PINX1: variants seen among roughly 807,000 people sequenced by gnomAD.
PINX1 encodes the protein PIN2/TERF1-interacting telomerase inhibitor 1.
Under a neutral mutation model 25.4 loss-of-function variants are expected in PINX1, and 34 were observed. The ratio of observed to expected loss-of-function variants is 1.34; its 90% CI spans 1.02 to 1.78. The LOEUF (loss-of-function observed/expected upper bound fraction) is 1.78. Among genes scored for constraint, PINX1 ranks in the 40% most tolerant of loss-of-function variants. The probability of loss-of-function intolerance (pLI) is 0.00; values close to 1 mark genes in which losing one functional copy is unlikely to be tolerated. For missense variants in PINX1, 592 were observed against 404.9 expected (o/e 1.46, Z -3.97); for synonymous variants, 197 against 147.7 (o/e 1.33, Z -2.42).
chr8:10,828,059 G>GA (rs958077939), intron 4 of PINX1, among the ~76,000 whole-genome samples: 3 of 152,054 alleles, frequency 2.0e-5, no homozygotes, highest in African/African-American at 7.2e-5. Flanking sequence ...CCCCTCCCAG[G>GA]AGTCACTTAT....
intron 6 of PINX1, among the ~76,000 whole-genome samples, chr8:10,804,333 G>C (rs1447140523): frequency 6.6e-6 from 1 of 152,182 alleles, no homozygotes; most frequent in Non-Finnish European, 1.5e-5. Context: ...AAAACAATGA[G>C]CCAGAACGTG....
chr8:10,837,572 C>T (rs1002700667), intron 1 of PINX1, among the ~76,000 whole-genome samples: 1 of 152,188 alleles, frequency 6.6e-6, no homozygotes, highest in African/African-American at 2.4e-5. Context: ...TGGCGCTGGG[C>T]CTCAGGTAGA....
chr8:10,765,539 C>A lies in PINX1; in HGVS notation c.849G>T (p.Pro283=), dbSNP rs537202319. The change falls in exon 7 of 7, where the codon CCG becomes CCT. Residue 283 remains proline (P), a synonymous_variant. Coordinates refer to ENST00000314787, the MANE Select transcript of PINX1 (RefSeq NM_017884.6). ...SAQDAGDHVQ[P]PEGRDFTLKP... ...TCAGGGTGAAGTCCCGGCCCTCAGGCGGCTGCACATGGTCCCCTGCATCCT... is the reference window on the plus strand; with the variant it reads ...TCAGGGTGAAGTCCCGGCCCTCAGGAGGCTGCACATGGTCCCCTGCATCCT... 1.9e-6 allele frequency: 3 copies of A among 1,613,718 alleles called. No individual in the cohort carries two copies. The highest frequency in any genetic ancestry group is 8.5e-7 in the Non-Finnish European group (1 of 1,179,892).
intron 6 of PINX1, among the ~76,000 whole-genome samples, chr8:10,805,369 T>C (rs1029584009): frequency 6.6e-6 from 1 of 152,262 alleles, no homozygotes; most frequent in Non-Finnish European, 1.5e-5. Context: ...AAGTTAGGAA[T>C]GGCATATTTC....
chr8:10,834,982 T>A (rs1047347173), intron 1 of PINX1, among the ~76,000 whole-genome samples: 4 of 152,228 alleles, frequency 2.6e-5, no homozygotes, highest in Non-Finnish European at 5.9e-5. Flanking sequence ...TCTAGACATA[T>A]AAGTTGACCT....
chr8:10,799,404 G>T (rs1161408030), intron 6 of PINX1, among the ~76,000 whole-genome samples: 3 of 152,156 alleles, frequency 2.0e-5, no homozygotes, highest in African/African-American at 7.2e-5. Flanking sequence ...CTGGGGAAAT[G>T]ATGGGACAGA....
At chr8:10,786,312 G>C (rs1326133757) in intron 6 of PINX1, among the ~76,000 whole-genome samples, 3 of 152,162 alleles carry the variant, frequency 2.0e-5, no homozygotes, top group African/African-American at 7.2e-5. Flanking sequence ...AAGTGAAGAG[G>C]CCTTCCTATT....
Position 10,832,905 on chromosome 8 carries a change from G to A in PINX1, c.209C>T (p.Thr70Ile). 1 of 1,606,702 alleles carries A rather than the reference G, an allele frequency of 6.2e-7. No homozygotes were observed. The highest frequency in any genetic ancestry group is 1.1e-5 in the South Asian group (1 of 90,432). Residue 70 changes from threonine to isoleucine, a missense_variant, in exon 3 of 7, where the codon ACC becomes ATC. Physicochemically the swap from Thr to Ile is moderately conservative, Grantham distance 89. Coordinates refer to ENST00000314787, the MANE Select transcript of PINX1 (RefSeq NM_017884.6). The stretch of plus-strand genomic sequence containing the variant: ...ACTGCTGCTCACTTCATTATTGATG[G>A]TAGCTCCGAGTCCCAGGTGGTTATT... ...VKNNHLGLGA[T>I]INNEDNWIAH...
rs117600938 is a variant in PINX1 at position 10,810,979 on chromosome 8, A to G, written c.471+9214T>C. ...CACAGATACAATTTTCTCAGTTCCA[A>G]AGGATGTTTCCTATAAGTTATTATT... is the stretch of plus-strand genomic sequence containing the variant. On this transcript the variant is annotated intron_variant, in intron 6 of 6. Transcript: ENST00000314787. Among the ~76,000 whole-genome samples the G allele has an allele frequency of 1.6e-4, 25 of 152,310 alleles. No homozygotes were observed. In the East Asian group the frequency reaches 4.1e-3, roughly 25 times the overall value.
chr8:10,832,955 T>A lies in PINX1; in HGVS notation c.159A>T (p.Thr53=), dbSNP rs749498319. The A allele has an allele frequency of 6.2e-7, 1 of 1,611,040 alleles. No individual in the cohort carries two copies. Among genetic ancestry groups the A allele is most frequent in the Non-Finnish European group, 8.5e-7 (1 of 1,178,272 alleles). The change falls in exon 3 of 7, where the codon ACA becomes ACT. Residue 53 remains threonine (T), a synonymous_variant. Transcript: ENST00000314787. ...KGLGAQEQGA[T]DHIKVQVKNN... is the part of the protein sequence containing the mutation. ...TTTTCACTTGAACTTTAATATGATC[T>A]GTGGCTCCTTGCTCCTGAGCCCCTA...
Position 10,820,233 on chromosome 8 carries a change from T to G in PINX1, c.431A>C (p.Asp144Ala), listed in dbSNP as rs201225517. Residue 144 changes from aspartate to alanine, a missense_variant, in exon 6 of 7, where the codon GAC (aspartate) becomes GCC (alanine). Physicochemically the swap from Asp to Ala is moderately radical, Grantham distance 126 (BLOSUM62 -2). Coordinates refer to ENST00000314787, the MANE Select transcript of PINX1 (RefSeq NM_017884.6). ...DLSSRSKTDL[D>A]CIFGKRQSKK... The stretch of plus-strand genomic sequence containing the variant: ...ACTCTGTCTTTTCCCAAAAATGCAG[T>G]CAAGATCTGTTTTGCTCCGAGATGA... 1.6e-5 allele frequency: 25 copies of G among 1,612,890 alleles called. No homozygotes were observed. The highest frequency in any genetic ancestry group is 2.0e-5 in the Non-Finnish European group (24 of 1,179,138).
chr8:10,789,001 T>C (rs1419828278), intron 6 of PINX1, among the ~76,000 whole-genome samples: 1 of 82,486 alleles, frequency 1.2e-5, no homozygotes, highest in African/African-American at 4.5e-5. Flanking sequence ...AGGGTGGGGG[T>C]GGGGATTGAA....
At chr8:10,776,446 TAA>T in intron 6 of PINX1, among the ~76,000 whole-genome samples, 1 of 150,568 alleles carries the variant, frequency 6.6e-6, no homozygotes, top group African/African-American at 2.5e-5. Context: ...AATAAATAAA[TAA>T]ACAAACAAAC....
intron 6 of PINX1, among the ~76,000 whole-genome samples, chr8:10,778,995 T>C (rs1801500287): frequency 6.6e-6 from 1 of 152,204 alleles, no homozygotes; most frequent in Non-Finnish European, 1.5e-5. Flanking sequence ...GTTAGCTCTT[T>C]CCCAGCTATC....
chr8:10,838,988 T>G (rs1313886152), intron 1 of PINX1, among the ~76,000 whole-genome samples: 1 of 152,154 alleles, frequency 6.6e-6, no homozygotes, highest in Non-Finnish European at 1.5e-5. Flanking sequence ...ATAAGCTGTT[T>G]CTGTTCTTTG....
chr8:10,782,446 T>C (rs569993753), intron 6 of PINX1, among the ~76,000 whole-genome samples: 1 of 151,984 alleles, frequency 6.6e-6, no homozygotes, highest in Non-Finnish European at 1.5e-5. Context: ...TTTTTTTAAG[T>C]ACTCAGAGGC....
chr8:10,813,860 C>T (rs371804052), intron 6 of PINX1, among the ~76,000 whole-genome samples: 2 of 142,966 alleles, frequency 1.4e-5, no homozygotes, highest in East Asian at 4.1e-4. Flanking sequence ...CGGAAACAAG[C>T]TGGAGAGAGG....
At chr8:10,829,491 C>T (rs914834563) in intron 4 of PINX1, among the ~76,000 whole-genome samples, 1 of 152,010 alleles carries the variant, frequency 6.6e-6, no homozygotes, top group African/African-American at 2.4e-5. Flanking sequence ...AACAACCTTC[C>T]AAAGATGATA....
intron 3 of PINX1, among the ~76,000 whole-genome samples, chr8:10,832,202 T>C (rs1798245194): frequency 6.6e-6 from 1 of 152,144 alleles, no homozygotes; most frequent in Admixed American, 6.5e-5. Context: ...TACAAAACTC[T>C]GAGGAAGGGG....
Sources: gnomAD v4.1 joint callset for allele counts (sites outside exome capture counted in the v4.1 genomes callset) on GRCh38, gnomAD v4.1.1 for gene constraint, MANE v1.5 for transcripts, NCBI Gene and HGNC (gene_info 2026-07-23, HGNC 2026-07-21) for gene names.